RPRD2: variants seen among roughly 807,000 people sequenced by gnomAD.
The protein encoded by RPRD2 is regulation of nuclear pre-mRNA domain containing 2, also known as regulation of nuclear pre-mRNA domain-containing protein 2.
Under a neutral mutation model 104.4 loss-of-function variants are expected in RPRD2, and 12 were observed. The ratio of observed to expected loss-of-function variants is 0.11; its 90% CI spans 0.07 to 0.19. The LOEUF is 0.19. Ranked by LOEUF, RPRD2 falls within the 10% of genes least tolerant of loss-of-function variation. The pLI, the probability that RPRD2 is intolerant of heterozygous loss-of-function variation, is 1.00. For missense variants in RPRD2, 1,543 were observed against 1,790.1 expected (o/e 0.86, Z 2.49); for synonymous variants, 714 against 684.9 (o/e 1.04, Z -0.66).
intron 7 of RPRD2, among the ~76,000 whole-genome samples, chr1:150,454,154 T>C (rs1428353430): frequency 6.6e-6 from 1 of 152,216 alleles, no homozygotes; most frequent in East Asian, 1.9e-4. Context: ...GAAAAATTGT[T>C]GAGCCAGTTC....
intron 1 of RPRD2, 54 bp downstream of exon 1, chr1:150,364,973 T>G (rs1659722439): frequency 1.3e-6 from 2 of 1,576,590 alleles, no homozygotes; most frequent in Admixed American, 1.8e-5. Flanking sequence ...GAAGGAAGTG[T>G]GGCCTGAAAC....
chr1:150,415,200 AG>A (rs1406674703), intron 1 of RPRD2, among the ~76,000 whole-genome samples: 2 of 151,958 alleles, frequency 1.3e-5, no homozygotes, highest in African/African-American at 4.8e-5. Context: ...GCTTGGTGGC[AG>A]GTGCCTGTAA....
intron 9 of RPRD2, among the ~76,000 whole-genome samples, chr1:150,464,261 G>A (rs1188493362): frequency 5.3e-5 from 8 of 151,810 alleles, no homozygotes; most frequent in African/African-American, 1.5e-4. Flanking sequence ...CGCCTGCCTC[G>A]GCCTCCCAAA....
intron 9 of RPRD2, among the ~76,000 whole-genome samples, chr1:150,462,462 C>CA (rs147070994): frequency 0.2 from 30,140 of 147,314 alleles, 3,245 homozygotes; most frequent in African/African-American, 0.25. Context: ...AAACAAAAAA[C>CA]AAAAAAAAAA....
At position 150,364,561 on chromosome 1, in the gene RPRD2, C is replaced by T. The variant is rs1553876766; in HGVS notation, c.-154C>T. On this transcript the variant is annotated 5_prime_UTR_variant, in exon 1 of 11. Coordinates refer to ENST00000369068, the MANE Select transcript of RPRD2 (RefSeq NM_015203.5). ...CAGCAGCTGGTGTTCCCGTCCGTACCTCCAGAAGAGCCCAGCGCGTGCACC... is the reference window on the plus strand; with the variant it reads ...CAGCAGCTGGTGTTCCCGTCCGTACTTCCAGAAGAGCCCAGCGCGTGCACC... 5.1e-6 allele frequency: 3 copies of T among 588,820 alleles called. No homozygotes were observed. The highest frequency in any genetic ancestry group is 4.5e-4 in the Middle Eastern group (1 of 2,238). The allele number at this position is 588,820 out of a possible 1,614,324, so 36.5% of individuals were successfully genotyped here.
chr1:150,436,949 T>C (rs1666045282), intron 2 of RPRD2, among the ~76,000 whole-genome samples: 1 of 152,150 alleles, frequency 6.6e-6, no homozygotes, highest in South Asian at 2.1e-4. Context: ...CACACGCCTG[T>C]TATCCCAGCA....
intron 1 of RPRD2, among the ~76,000 whole-genome samples, chr1:150,400,603 C>T (rs1356092364): frequency 2.0e-5 from 3 of 152,118 alleles, no homozygotes; most frequent in Non-Finnish European, 4.4e-5. Context: ...GGTTAATGTT[C>T]GCTCACCCAC....
At position 150,444,303 on chromosome 1, in the gene RPRD2, T is replaced by C. The variant is rs1319618531; in HGVS notation, c.620T>C (p.Ile207Thr). Residue 207 changes from isoleucine to threonine, a missense_variant, in exon 6 of 11, where the codon ATA becomes ACA. Physicochemically the swap from Ile to Thr is moderately conservative, Grantham distance 89 (BLOSUM62 -1). Coordinates refer to ENST00000369068, the MANE Select transcript of RPRD2 (RefSeq NM_015203.5). ...LLLYKRSEDQ[I>T]ELKEKQLSTM... ...CTATACAAGCGCTCAGAAGATCAGATAGAACTGAAGGAAAAGCAGTTGTCA... is the reference window on the plus strand; with the variant it reads ...CTATACAAGCGCTCAGAAGATCAGACAGAACTGAAGGAAAAGCAGTTGTCA... 1 of 1,613,828 alleles carries C rather than the reference T, an allele frequency of 6.2e-7. No homozygotes were observed. The highest frequency in any genetic ancestry group is 1.1e-5 in the South Asian group (1 of 91,080).
intron 9 of RPRD2, among the ~76,000 whole-genome samples, chr1:150,461,659 A>G (rs1332977821): frequency 6.6e-6 from 1 of 151,912 alleles, no homozygotes; most frequent in Admixed American, 6.6e-5. Context: ...CCTGGACAAC[A>G]TGGCGAAACC....
chr1:150,464,528 G>T lies in RPRD2; in HGVS notation c.1413G>T (p.Gly471=), dbSNP rs1668139880. 4 of 1,594,154 alleles carry T rather than the reference G, an allele frequency of 2.5e-6. No individual in the cohort carries two copies. Among genetic ancestry groups the T allele is most frequent in the Non-Finnish European group, 3.4e-6 (4 of 1,170,478 alleles). ...TTGAGTTCATCTTTCTGCCACCAGG[G>T]GTCAGTCCTGCATCAAGACCTTCTC... ...SSLTSVMKNT[G]VSPASRPSPG... Residue 471 remains glycine (G), a splice_region_variant and synonymous_variant, in exon 10 of 11, where the codon GGG becomes GGT. Coordinates refer to ENST00000369068, the MANE Select transcript of RPRD2 (RefSeq NM_015203.5).
intron 2 of RPRD2, among the ~76,000 whole-genome samples, chr1:150,433,814 A>G (rs1327877241): frequency 1.4e-5 from 2 of 147,952 alleles, no homozygotes; most frequent in Non-Finnish European, 3.0e-5. Context: ...AATATGTATA[A>G]TATATGTAAT....
chr1:150,424,863 C>T (rs1392543862), intron 2 of RPRD2, among the ~76,000 whole-genome samples: 2 of 152,046 alleles, frequency 1.3e-5, no homozygotes, highest in African/African-American at 4.8e-5. Context: ...TTTCTTCCTC[C>T]TTTTCTCTCT....
intron 1 of RPRD2, among the ~76,000 whole-genome samples, chr1:150,384,798 C>T (rs957286286): frequency 5.9e-5 from 9 of 152,026 alleles, no homozygotes; most frequent in Non-Finnish European, 1.3e-4. Flanking sequence ...TGAGCCACTG[C>T]ACCCAGCCAA....
In RPRD2 at chr1:150,464,571, C is replaced by T. The variant is rs782357074; in HGVS notation, c.1456C>T (p.Pro486Ser). 2 of 1,607,148 alleles carry T rather than the reference C, an allele frequency of 1.2e-6. No individual in the cohort carries two copies. Among genetic ancestry groups the T allele is most frequent in the African/African-American group, 2.7e-5 (2 of 74,722 alleles). The stretch of plus-strand genomic sequence containing the variant: ...ACCTTCTCCAGGAACGCCCACCAGC[C>T]CCAGCAACCTCACCAGTGGCCTGAA... ...SRPSPGTPTS[P>S]SNLTSGLKTP... Residue 486 changes from proline to serine, a missense_variant, in exon 10 of 11, where the codon CCC becomes TCC. This residue lies in a region of RPRD2 where 572 missense variants were observed against 787.3 expected (regional missense o/e 0.73). Transcript: ENST00000369068.
chr1:150,459,729 A>AT (rs1667795671), intron 8 of RPRD2, among the ~76,000 whole-genome samples: 1 of 151,450 alleles, frequency 6.6e-6, no homozygotes, highest in Non-Finnish European at 1.5e-5. Flanking sequence ...AGTAGCTGGG[A>AT]TTATAGACGC....
chr1:150,441,734 T>C, intron 3 of RPRD2, 147 bp from the exon 4 acceptor site: 1 of 537,946 alleles, frequency 1.9e-6, no homozygotes, highest in Non-Finnish European at 3.3e-6. Context: ...GGAATTTCTA[T>C]TTTTTCATAA....
At position 150,364,743 on chromosome 1, in the gene RPRD2, G is replaced by T. The variant is rs782430178; in HGVS notation, c.29G>T (p.Ser10Ile). Residue 10 changes from serine (S) to isoleucine (I), a missense_variant, in exon 1 of 11, where the codon AGT becomes ATT. Ser to Ile is a moderately radical substitution (Grantham distance 142). This residue lies in a region of RPRD2 where 88 missense variants were observed against 96.6 expected (regional missense o/e 0.91). Coordinates refer to ENST00000369068, the MANE Select transcript of RPRD2 (RefSeq NM_015203.5). ...GCGGCCGGCGGCGGCGGAGGCAGCA[G>T]TAAGGCCTCCTCCTCGTCGGCCTCT... The part of the protein sequence containing the change: MAAGGGGGS[S>I]KASSSSASSA... The T allele has an allele frequency of 6.3e-7, 1 of 1,591,012 alleles. No individual in the cohort carries two copies. Among genetic ancestry groups the T allele is most frequent in the South Asian group, 1.1e-5 (1 of 88,870 alleles).
chr1:150,472,249 G>T lies in RPRD2; in HGVS notation c.3301G>T (p.Glu1101Ter), dbSNP rs1396876133. 1.2e-6 allele frequency: 2 copies of T among 1,613,782 alleles called. No individual in the cohort carries two copies. The highest frequency in any genetic ancestry group is 1.3e-5 in the African/African-American group (1 of 74,908). ...TGCATCCAATAGGAGGATGTCAGGG[G>T]AGCCGATCCAGACCGTAGAGTCCAT... ...HSASNRRMSG[E>*]PIQTVESIRV... Residue 1101 changes from glutamate to a stop codon, truncating the protein, a stop_gained, in exon 11 of 11, where the codon GAG becomes TAG. Coordinates refer to ENST00000369068, the MANE Select transcript of RPRD2 (RefSeq NM_015203.5). LOFTEE classifies it high-confidence loss of function.
At chr1:150,399,928 A>T (rs1225764484) in intron 1 of RPRD2, among the ~76,000 whole-genome samples, 1 of 152,182 alleles carries the variant, frequency 6.6e-6, no homozygotes, top group Admixed American at 6.6e-5. Context: ...TGATTTCTAC[A>T]AATAATCCTG....
Sources: allele counts gnomAD v4.1 joint callset (sites outside exome capture counted in the v4.1 genomes callset), GRCh38; gene constraint gnomAD v4.1.1; regional missense constraint gnomAD v4.1.1; transcripts MANE v1.5; gene names NCBI Gene and HGNC (gene_info 2026-07-23, HGNC 2026-07-21).